Variants in CACNA1E observed in about 807,000 individuals in gnomAD.
CACNA1E encodes the protein voltage-dependent R-type calcium channel subunit alpha-1E.
Under a neutral mutation model 259.2 loss-of-function variants are expected in CACNA1E, and 40 were observed. The observed-to-expected ratio is 0.15, with a 90% CI of 0.12 to 0.20. The LOEUF is 0.20. Ranked by LOEUF, CACNA1E falls within the 10% of genes least tolerant of loss-of-function variation. The pLI is 1.00. For missense variants in CACNA1E, 1,874 were observed against 3,040.1 expected, an observed-to-expected ratio of 0.62 and a Z score of 9.02; for synonymous variants, 1,104 against 1,138.5, an observed-to-expected ratio of 0.97 and a Z score of 0.61.
At chr1:181,747,533 T>C (rs1292745476) in intron 25 of CACNA1E, among the ~76,000 whole-genome samples, 4 of 151,844 alleles carry the variant, frequency 2.6e-5, no homozygotes, top group Non-Finnish European at 4.4e-5. Flanking sequence ...TGTGGCCCAA[T>C]TGAGTCCCAA....
At chr1:181,659,266 G>A (rs554754140) in intron 7 of CACNA1E, among the ~76,000 whole-genome samples, 28 of 152,260 alleles carry the variant, frequency 1.8e-4, no homozygotes, top group African/African-American at 6.7e-4. Context: ...AATGACTGAG[G>A]CACCTGCCTC....
intron 2 of CACNA1E, among the ~76,000 whole-genome samples, chr1:181,464,749 A>C (rs1450615179): frequency 6.6e-6 from 1 of 151,986 alleles, no homozygotes; most frequent in Non-Finnish European, 1.5e-5. Flanking sequence ...TTCAAGTCCA[A>C]TACTGAATAG....
At chr1:181,728,496 G>A (rs936961186) in intron 18 of CACNA1E, among the ~76,000 whole-genome samples, 4 of 152,294 alleles carry the variant, frequency 2.6e-5, no homozygotes, top group African/African-American at 7.2e-5. Context: ...AGCCACCTCC[G>A]GGTGTGTGTG....
At chr1:181,320,919 A>T (rs78255927) in intron 1 of CACNA1E, among the ~76,000 whole-genome samples, 2,033 of 152,224 alleles carry the variant, frequency 0.013, 61 homozygotes, top group African/African-American at 0.047. Context: ...AAAGAGGTTT[A>T]TTTGGGTTAT....
chr1:181,418,941 T>C (rs548515309), intron 2 of CACNA1E, among the ~76,000 whole-genome samples: 3 of 152,210 alleles, frequency 2.0e-5, no homozygotes, highest in Middle Eastern at 3.4e-3. Context: ...GGTACCATTA[T>C]TACCATTATT....
intron 1 of CACNA1E, among the ~76,000 whole-genome samples, chr1:181,391,670 A>G (rs1012376530): frequency 6.6e-6 from 1 of 152,160 alleles, no homozygotes; most frequent in African/African-American, 2.4e-5. Flanking sequence ...GGGGCCTCCC[A>G]GTGGTCAAAC....
chr1:181,464,084 G>A (rs1462720250), intron 2 of CACNA1E, among the ~76,000 whole-genome samples: 1 of 151,874 alleles, frequency 6.6e-6, no homozygotes, highest in Non-Finnish European at 1.5e-5. Context: ...GCTGTTTCTG[G>A]GCACTTTATT....
At chr1:181,677,064 C>A (rs74512649) in intron 7 of CACNA1E, among the ~76,000 whole-genome samples, 1 of 152,016 alleles carries the variant, frequency 6.6e-6, no homozygotes, top group Admixed American at 6.6e-5. Flanking sequence ...CCTCCAGGAA[C>A]GTATCTTCTC....
chr1:181,382,985 T>C (rs114641084), intron 1 of CACNA1E, among the ~76,000 whole-genome samples: 1 of 152,324 alleles, frequency 6.6e-6, no homozygotes, highest in African/African-American at 2.4e-5. Context: ...CCATCTTGTC[T>C]TAAGACAAGG....
chr1:181,413,531 G>C (rs1043475459), exon 2 of CACNA1E: 1 of 152,484 alleles, frequency 6.6e-6, no homozygotes, highest in Non-Finnish European at 1.5e-5. Context: ...CAAGGCCCAC[G>C]AGGCGCACAA....
chr1:181,591,631 A>G (rs1402406065), intron 6 of CACNA1E, among the ~76,000 whole-genome samples: 1 of 152,092 alleles, frequency 6.6e-6, no homozygotes, highest in Non-Finnish European at 1.5e-5. Flanking sequence ...TTATGCATGG[A>G]TGTTCTGATA....
At chr1:181,517,959 A>G (rs1249488265) in intron 3 of CACNA1E, among the ~76,000 whole-genome samples, 1 of 152,060 alleles carries the variant, frequency 6.6e-6, no homozygotes, top group East Asian at 1.9e-4. Flanking sequence ...TGGTAATAGT[A>G]TGATATCAGT....
intron 3 of CACNA1E, among the ~76,000 whole-genome samples, chr1:181,528,612 G>A (rs879846751): frequency 6.6e-5 from 10 of 152,186 alleles, no homozygotes; most frequent in Non-Finnish European, 8.8e-5. Flanking sequence ...ATAGTGATAG[G>A]AACAATAAGG....
chr1:181,329,873 T>C (rs1256063622), intron 1 of CACNA1E, among the ~76,000 whole-genome samples: 1 of 152,228 alleles, frequency 6.6e-6, no homozygotes, highest in Non-Finnish European at 1.5e-5. Context: ...TTCATGGCTG[T>C]GTCTCAGAGC....
chr1:181,405,919 T>C (rs183523415), intron 1 of CACNA1E, among the ~76,000 whole-genome samples: 1 of 152,244 alleles, frequency 6.6e-6, no homozygotes, highest in Non-Finnish European at 1.5e-5. Context: ...CAGGACCAGG[T>C]GCCTGTTTTT....
Position 181,483,954 on chromosome 1 carries a change from C to G in CACNA1E, c.210C>G (p.Phe70Leu), listed in dbSNP as rs566139939. ...GTTTCACCGTCAACAGATCCCTGTTCATCTTCGGAGAAGATAACATTGTCA... is the reference window on the plus strand; with the variant it reads ...GTTTCACCGTCAACAGATCCCTGTTGATCTTCGGAGAAGATAACATTGTCA... ...QNCFTVNRSL[F>L]IFGEDNIVRK... is the part of the protein sequence containing the mutation. The change falls in exon 1 of 48, where the codon TTC becomes TTG. Residue 70 changes from phenylalanine (F) to leucine (L), a missense_variant. Physicochemically the swap from Phe to Leu is conservative, Grantham distance 22 (BLOSUM62 0). Around this residue, in one of 14 missense-constraint regions of CACNA1E, gnomAD observed 110 missense variants for 122.8 expected, o/e 0.90. Transcript: ENST00000367573. 1 of 1,612,636 alleles carries G rather than the reference C, an allele frequency of 6.2e-7. No homozygotes were observed. Among genetic ancestry groups the G allele is most frequent in the South Asian group, 1.1e-5 (1 of 91,042 alleles).
In CACNA1E at chr1:181,720,884, G is replaced by C. The variant is rs1019314257; in HGVS notation, c.1956+29G>C. 3 of 1,432,896 alleles carry C rather than the reference G, an allele frequency of 2.1e-6. No homozygotes were observed. In the African/African-American group the frequency reaches 4.2e-5, roughly 20 times the overall value. 88.8% of individuals were successfully genotyped at this position (1,432,896 alleles called of 1,614,324 possible). On this transcript the variant is annotated intron_variant, in intron 15 of 47. Coordinates refer to ENST00000367573, the MANE Select transcript of CACNA1E (RefSeq NM_001205293.3). Reference sequence around the variant, plus strand: ...TGAGGCCAGCTGACGGTTCACAAGTGCTGCATGGGGTCCCTTGGACTGCAC... The same window carrying C: ...TGAGGCCAGCTGACGGTTCACAAGTCCTGCATGGGGTCCCTTGGACTGCAC...
At chr1:181,501,324 C>G (rs1224785346) in intron 1 of CACNA1E, among the ~76,000 whole-genome samples, 1 of 152,206 alleles carries the variant, frequency 6.6e-6, no homozygotes, top group East Asian at 1.9e-4. Flanking sequence ...ACCAGCACTT[C>G]CCATCCTTTG....
chr1:181,715,363 T>C lies in CACNA1E; in HGVS notation c.1197T>C (p.Asn399=). ...KAEEVMLAEE[N]KNAGTSALEV... ...AGGAAGTCATGCTCGCTGAAGAAAATAAAAATGCTGGAACATCCGCCTTAG... is the reference window on the plus strand; with the variant it reads ...AGGAAGTCATGCTCGCTGAAGAAAACAAAAATGCTGGAACATCCGCCTTAG... Residue 399 remains asparagine (N), a synonymous_variant, in exon 9 of 48, where the codon AAT becomes AAC. Coordinates refer to ENST00000367573, the MANE Select transcript of CACNA1E (RefSeq NM_001205293.3). The C allele has an allele frequency of 1.2e-6, 2 of 1,601,632 alleles. No individual in the cohort carries two copies. The highest frequency in any genetic ancestry group is 1.7e-6 in the Non-Finnish European group (2 of 1,171,200).
Sources: allele counts gnomAD v4.1 joint callset (sites outside exome capture counted in the v4.1 genomes callset), GRCh38; gene constraint gnomAD v4.1.1; regional missense constraint gnomAD v4.1.1; transcripts MANE v1.5; gene names NCBI Gene and HGNC (gene_info 2026-07-23, HGNC 2026-07-21).